The following TLL1 variants were observed in gnomAD, a reference collection of about 807,000 sequenced individuals.
TLL1 encodes the protein tolloid like 1.
TLL1 carries 49 observed loss-of-function variants against 128.2 expected under a neutral mutation model. The observed-to-expected ratio is 0.38, with a 90% CI of 0.30 to 0.48. TLL1 has a LOEUF of 0.48. Ranked by LOEUF, TLL1 falls within the 20% of genes least tolerant of loss-of-function variation. The pLI, the probability that TLL1 is intolerant of heterozygous loss-of-function variation, is 0.96. For synonymous variants in TLL1, 454 were observed against 418.8 expected (o/e 1.08, Z -1.03); for missense variants, 1,123 against 1,242.0 (o/e 0.90, Z 1.44).
intron 1 of TLL1, among the ~76,000 whole-genome samples, chr4:165,965,388 A>G (rs1376219959): frequency 6.6e-6 from 1 of 152,196 alleles, no homozygotes; most frequent in Non-Finnish European, 1.5e-5. Context: ...ATTTTGCAAT[A>G]AATGTAGGAC....
chr4:166,091,133 T>C lies in TLL1; in HGVS notation c.2448T>C (p.Phe816=). 6 of 1,611,724 alleles carry C rather than the reference T, an allele frequency of 3.7e-6. No homozygotes were observed. The highest frequency in any genetic ancestry group is 4.2e-6 in the Non-Finnish European group (5 of 1,178,932). ...ATPGHRIKLA[F]SEFEIEQHQE... ...ATTTCTTCTTTTTAAAAAAGGCCTT[T>C]AGTGAATTTGAGATTGAGCAGCATC... Residue 816 remains phenylalanine, a synonymous_variant, in exon 19 of 21, where the codon TTT becomes TTC. Transcript: ENST00000061240.
In TLL1 at chr4:165,989,462, A is replaced by T. The variant is rs768600236; in HGVS notation, c.251A>T (p.Asn84Ile). The change falls in exon 2 of 21, where the codon AAC (asparagine) becomes ATC (isoleucine). Residue 84 changes from asparagine to isoleucine, a missense_variant. Physicochemically the swap from Asn to Ile is moderately radical, Grantham distance 149. This residue lies in a region of TLL1 where 480 missense variants were observed against 542.4 expected (regional missense o/e 0.89). Coordinates refer to ENST00000061240, the MANE Select transcript of TLL1 (RefSeq NM_012464.5). ...QIDRTIDLTQNPFGNLGHTTG... is the reference protein window; with the variant it reads ...QIDRTIDLTQIPFGNLGHTTG... ...GATAGGACAATTGACCTTACGCAGA[A>T]CCCCTTTGGAAACCTTGGACATACC... The T allele has an allele frequency of 1.2e-5, 19 of 1,612,778 alleles. No individual in the cohort carries two copies. The Admixed American group carries it at 3.0e-4, about 26-fold the overall frequency.
intron 1 of TLL1, among the ~76,000 whole-genome samples, chr4:165,916,227 C>G (rs181872253): frequency 3.9e-5 from 6 of 152,308 alleles, no homozygotes; most frequent in Non-Finnish European, 7.3e-5. Flanking sequence ...GATCTTCACT[C>G]TTACTTATTT....
intron 1 of TLL1, among the ~76,000 whole-genome samples, chr4:165,923,065 T>G (rs995075167): frequency 3.9e-5 from 6 of 152,194 alleles, no homozygotes; most frequent in African/African-American, 1.4e-4. Context: ...TATAAACCAC[T>G]TTTCAGTTTG....
At chr4:165,976,167 G>A (rs1461750272) in intron 1 of TLL1, among the ~76,000 whole-genome samples, 1 of 151,202 alleles carries the variant, frequency 6.6e-6, no homozygotes, top group Non-Finnish European at 1.5e-5. Context: ...TGAAAAGAAT[G>A]AATATGACAC....
At chr4:166,012,257 A>T (rs1737730487) in intron 7 of TLL1, among the ~76,000 whole-genome samples, 1 of 151,606 alleles carries the variant, frequency 6.6e-6, no homozygotes, top group African/African-American at 2.4e-5. Flanking sequence ...CTCACTGAGG[A>T]GGTTCAGTAA....
rs114850662 is a variant in TLL1 at position 165,964,535 on chromosome 4, C to T, written c.170-24846C>T. Among the ~76,000 whole-genome samples the T allele has an allele frequency of 4.0e-3, 606 of 152,206 alleles. 4 individuals are homozygous for T. The highest frequency in any genetic ancestry group is 0.013 in the African/African-American group (549 of 41,520). On this transcript the variant is annotated intron_variant, in intron 1 of 20. Transcript: ENST00000061240. The stretch of plus-strand genomic sequence containing the variant: ...CAGCCTTGATGTTTGAGATGTAACT[C>T]TGGATAGTTATTAAATCTCTCTTAT...
At chr4:165,910,368 T>G (rs529480514) in intron 1 of TLL1, among the ~76,000 whole-genome samples, 1 of 152,334 alleles carries the variant, frequency 6.6e-6, no homozygotes, top group South Asian at 2.1e-4. Context: ...TGTGCTACAT[T>G]TTTTTAGTTT....
At chr4:165,984,071 G>T (rs977312376) in intron 1 of TLL1, among the ~76,000 whole-genome samples, 1 of 151,774 alleles carries the variant, frequency 6.6e-6, no homozygotes, top group African/African-American at 2.4e-5. Flanking sequence ...CATTGCATGG[G>T]ATGCCTTTGT....
intron 5 of TLL1, among the ~76,000 whole-genome samples, chr4:165,996,483 C>T (rs973909421): frequency 1.5e-4 from 23 of 152,068 alleles, no homozygotes; most frequent in African/African-American, 5.3e-4. Flanking sequence ...TTGGCGCGCA[C>T]CTGTAATCAG....
chr4:166,021,848 C>T (rs918199347), intron 8 of TLL1, among the ~76,000 whole-genome samples: 13 of 152,188 alleles, frequency 8.5e-5, no homozygotes, highest in African/African-American at 3.1e-4. Flanking sequence ...ATTTTTATAT[C>T]CTATCTGTTC....
At chr4:166,009,173 T>A (rs1202033468) in intron 7 of TLL1, among the ~76,000 whole-genome samples, 1 of 151,516 alleles carries the variant, frequency 6.6e-6, no homozygotes, top group African/African-American at 2.4e-5. Context: ...GCTCAGTAAT[T>A]TGACCTGAAA....
At chr4:165,918,367 T>G (rs939435792) in intron 1 of TLL1, among the ~76,000 whole-genome samples, 1 of 152,116 alleles carries the variant, frequency 6.6e-6, no homozygotes, top group African/African-American at 2.4e-5. Flanking sequence ...TTGAGCTCAT[T>G]TGGAATTTCA....
intron 18 of TLL1, among the ~76,000 whole-genome samples, chr4:166,085,534 A>G (rs1388152907): frequency 6.6e-6 from 1 of 151,740 alleles, no homozygotes; most frequent in African/African-American, 2.4e-5. Flanking sequence ...TATTAATATG[A>G]TCAGATCATT....
intron 1 of TLL1, among the ~76,000 whole-genome samples, chr4:165,977,732 G>A (rs1468599260): frequency 6.6e-6 from 1 of 152,038 alleles, no homozygotes; most frequent in Non-Finnish European, 1.5e-5. Context: ...TTAATATCTA[G>A]CAATACTTAT....
chr4:165,970,041 G>C (rs997404057), intron 1 of TLL1, among the ~76,000 whole-genome samples: 1 of 152,092 alleles, frequency 6.6e-6, no homozygotes, highest in Admixed American at 6.6e-5. Context: ...AGCTACAAAG[G>C]ATGCTAAATA....
At chr4:165,885,494 C>A (rs763511259) in intron 1 of TLL1, among the ~76,000 whole-genome samples, 4 of 151,962 alleles carry the variant, frequency 2.6e-5, no homozygotes, top group Non-Finnish European at 5.9e-5. Flanking sequence ...TGAAGTAGGC[C>A]ATGCAATTTC....
chr4:166,064,027 C>T (rs981331652), intron 15 of TLL1, among the ~76,000 whole-genome samples: 1 of 151,454 alleles, frequency 6.6e-6, no homozygotes, highest in Admixed American at 6.6e-5. Context: ...GATGAACTTA[C>T]ATATTTCAAG....
intron 9 of TLL1, among the ~76,000 whole-genome samples, chr4:166,028,396 A>T (rs2111074617): frequency 6.6e-6 from 1 of 152,012 alleles, no homozygotes; most frequent in South Asian, 2.1e-4. Context: ...GTAAAGCACT[A>T]TCTTTGTGTG....
Sources: gnomAD v4.1 joint callset for allele counts (sites outside exome capture counted in the v4.1 genomes callset) on GRCh38, gnomAD v4.1.1 for gene constraint, gnomAD v4.1.1 regional missense constraint, MANE v1.5 for transcripts, NCBI Gene and HGNC (gene_info 2026-07-23, HGNC 2026-07-21) for gene names.